PEX5L: variants seen among roughly 807,000 people sequenced by gnomAD.
The protein encoded by PEX5L is peroxisomal biogenesis factor 5 like.
PEX5L carries 30 observed loss-of-function variants against 84.0 expected under a neutral mutation model. That is an observed-to-expected ratio of 0.36 (90% CI 0.27 to 0.48). The LOEUF is 0.48. Ranked by LOEUF, PEX5L falls within the 20% of genes least tolerant of loss-of-function variation. The pLI is 0.99. For synonymous variants in PEX5L, 270 were observed against 283.1 expected (o/e 0.95, Z 0.46); for missense variants, 533 against 754.6 (o/e 0.71, Z 3.44).
chr3:179,935,922 A>G (rs2109712014), intron 2 of PEX5L, among the ~76,000 whole-genome samples: 1 of 152,280 alleles, frequency 6.6e-6, no homozygotes, highest in East Asian at 1.9e-4. Flanking sequence ...TGGCATACCC[A>G]CTTTCCCTTC....
chr3:180,018,082 G>C (rs935530280), intron 1 of PEX5L, among the ~76,000 whole-genome samples: 1 of 152,152 alleles, frequency 6.6e-6, no homozygotes, highest in African/African-American at 2.4e-5. Context: ...ATTTATTATG[G>C]TTGTACAGTG....
intron 2 of PEX5L, among the ~76,000 whole-genome samples, chr3:179,937,600 A>C (rs912577731): frequency 2.0e-5 from 3 of 152,128 alleles, no homozygotes; most frequent in Admixed American, 6.5e-5. Context: ...ACTACACAGA[A>C]CCTAGGCTTT....
chr3:179,925,000 A>G (rs188513492), intron 2 of PEX5L, among the ~76,000 whole-genome samples: 1 of 152,290 alleles, frequency 6.6e-6, no homozygotes, highest in African/African-American at 2.4e-5. Context: ...TTCTTACCCA[A>G]GTTGGAAGGC....
chr3:179,843,916 T>A (rs933214952), intron 8 of PEX5L, among the ~76,000 whole-genome samples: 1 of 152,186 alleles, frequency 6.6e-6, no homozygotes, highest in Non-Finnish European at 1.5e-5. Context: ...ATTAAATGGG[T>A]TCAGGATGGA....
chr3:179,942,264 G>A lies in PEX5L; in HGVS notation c.93+29330C>T, dbSNP rs1195111520. On this transcript the variant is annotated intron_variant, in intron 2 of 14. Transcript: ENST00000467460. ...AGCCTGGGCCTCATTTCTCCTCCGA[G>A]GGCTCCTTTTCGTGGCTGCTATTTC... is the stretch of plus-strand genomic sequence containing the variant. Among the ~76,000 whole-genome samples, 5 of 152,166 alleles carry A rather than the reference G, an allele frequency of 3.3e-5. No homozygotes were observed. The East Asian group carries it at 9.6e-4, about 29-fold the overall frequency.
At chr3:179,942,989 T>A (rs1180816021) in intron 2 of PEX5L, among the ~76,000 whole-genome samples, 2 of 152,250 alleles carry the variant, frequency 1.3e-5, no homozygotes, top group Non-Finnish European at 2.9e-5. Flanking sequence ...TGTTTCCTTA[T>A]CTGTAAAATG....
intron 7 of PEX5L, among the ~76,000 whole-genome samples, chr3:179,865,444 G>A (rs1438351014): frequency 6.6e-6 from 1 of 151,852 alleles, no homozygotes; most frequent in African/African-American, 2.4e-5. Context: ...AGACATACAG[G>A]TTTAGGATTC....
chr3:179,870,767 G>A (rs982776872), intron 7 of PEX5L, among the ~76,000 whole-genome samples: 18 of 152,146 alleles, frequency 1.2e-4, no homozygotes, highest in African/African-American at 4.3e-4. Context: ...CCGTTTGCAT[G>A]CCTTTCCTCC....
intron 1 of PEX5L, among the ~76,000 whole-genome samples, chr3:180,006,837 C>G (rs891664670): frequency 1.7e-4 from 26 of 152,314 alleles, no homozygotes; most frequent in African/African-American, 6.0e-4. Flanking sequence ...TCACTTACCT[C>G]CCCTTGGGTC....
intron 2 of PEX5L, among the ~76,000 whole-genome samples, chr3:179,930,137 C>A (rs558348672): frequency 2.6e-4 from 39 of 152,154 alleles, no homozygotes; most frequent in Admixed American, 5.9e-4. Context: ...ATGTGGGAGT[C>A]TAGCAATATG....
intron 1 of PEX5L, among the ~76,000 whole-genome samples, chr3:179,977,066 T>C (rs1785872579): frequency 6.6e-6 from 1 of 152,238 alleles, no homozygotes; most frequent in Non-Finnish European, 1.5e-5. Context: ...GTATACCAAA[T>C]ACTAAAAGTC....
At position 180,036,775 on chromosome 3, in the gene PEX5L, C is replaced by G. The variant is rs1375034464; in HGVS notation, c.-176G>C. The G allele has an allele frequency of 4.5e-6, 3 of 659,696 alleles. No homozygotes were observed. The highest frequency in any genetic ancestry group is 8.3e-6 in the Non-Finnish European group (3 of 362,790). 40.9% of individuals were successfully genotyped at this position (659,696 alleles called of 1,614,324 possible). A position where few individuals can be genotyped will look rare whatever the true frequency, so the allele number is the denominator to read the frequency against. On this transcript the variant is annotated 5_prime_UTR_variant, in exon 1 of 15. Coordinates refer to ENST00000467460, the MANE Select transcript of PEX5L (RefSeq NM_016559.3). Reference sequence around the variant, plus strand: ...GGCGGCCACTCGGCAGCGCTGCGGGCTGCCGGGAACTGTTCTCCGCTCGGG... The same window carrying G: ...GGCGGCCACTCGGCAGCGCTGCGGGGTGCCGGGAACTGTTCTCCGCTCGGG...
chr3:179,975,700 T>C (rs1398555526), intron 1 of PEX5L, among the ~76,000 whole-genome samples: 1 of 152,228 alleles, frequency 6.6e-6, no homozygotes, highest in Non-Finnish European at 1.5e-5. Context: ...GTTGTCAGGA[T>C]TCAGTTCCTA....
At chr3:179,839,203 T>C (rs9881715) in intron 8 of PEX5L, among the ~76,000 whole-genome samples, 2,273 of 152,280 alleles carry the variant, frequency 0.015, 53 homozygotes, top group African/African-American at 0.052. Context: ...GAAATCTGTT[T>C]ACAAAATTAG....
chr3:179,980,137 C>T (rs1481806033), intron 1 of PEX5L, among the ~76,000 whole-genome samples: 1 of 152,164 alleles, frequency 6.6e-6, no homozygotes, highest in Non-Finnish European at 1.5e-5. Context: ...AACTCTGACA[C>T]ATGCTTGAGA....
At chr3:180,010,538 A>G (rs1789370206) in intron 1 of PEX5L, among the ~76,000 whole-genome samples, 1 of 151,912 alleles carries the variant, frequency 6.6e-6, no homozygotes, top group Non-Finnish European at 1.5e-5. Context: ...ATAAATTACC[A>G]CTGAGAAAAT....
chr3:179,944,089 T>A (rs1776888488), intron 2 of PEX5L, among the ~76,000 whole-genome samples: 1 of 152,182 alleles, frequency 6.6e-6, no homozygotes, highest in African/African-American at 2.4e-5. Context: ...GGCTACTTTT[T>A]AATATAGAAA....
chr3:179,898,218 G>A lies in PEX5L; in HGVS notation c.122C>T (p.Ala41Val). The change falls in exon 3 of 15, where the codon GCT becomes GTT. Residue 41 changes from alanine (A) to valine (V), a missense_variant. Ala to Val is a moderately conservative substitution (Grantham distance 64). This residue lies in a region of PEX5L where 259 missense variants were observed against 301.7 expected (regional missense o/e 0.86). Coordinates refer to ENST00000467460, the MANE Select transcript of PEX5L (RefSeq NM_016559.3). ...QGKGSRAADK[A>V]VAMVMKEIPR... ...TATCTCCTTCATCACCATGGCAACA[G>A]CCTTATCTGCCGCCCTAGAGCCTTT... 3 of 1,613,326 alleles carry A rather than the reference G, an allele frequency of 1.9e-6. No individual in the cohort carries two copies. Among genetic ancestry groups the A allele is most frequent in the Non-Finnish European group, 2.5e-6 (3 of 1,179,412 alleles).
intron 2 of PEX5L, among the ~76,000 whole-genome samples, chr3:179,963,744 C>A (rs751638341): frequency 1.3e-5 from 2 of 152,144 alleles, no homozygotes; most frequent in Non-Finnish European, 2.9e-5. Context: ...TGGCAATCCG[C>A]TGAAGCTGAT....
Sources: allele counts gnomAD v4.1 joint callset (sites outside exome capture counted in the v4.1 genomes callset), GRCh38; gene constraint gnomAD v4.1.1; regional missense constraint gnomAD v4.1.1; transcripts MANE v1.5; gene names NCBI Gene and HGNC (gene_info 2026-07-23, HGNC 2026-07-21).